The following YIPF6 variants were observed in gnomAD, a reference collection of about 807,000 sequenced individuals.
YIPF6 encodes protein YIPF6.
In YIPF6, 3 loss-of-function variants were observed where a neutral mutation model predicts 16.8. The observed-to-expected ratio is 0.18, with a 90% CI of 0.08 to 0.46. YIPF6 has a LOEUF of 0.46. Ranked by LOEUF, YIPF6 falls within the 20% of genes least tolerant of loss-of-function variation. The pLI is 0.98. For synonymous variants in YIPF6, 67 were observed against 61.9 expected, an observed-to-expected ratio of 1.08 and a Z score of -0.38; for missense variants, 145 against 184.9, an observed-to-expected ratio of 0.78 and a Z score of 1.25.
chrX:68,518,939 T>C (rs757136631), intron 4 of YIPF6, 127 bp downstream of exon 4: 8 of 625,682 alleles, frequency 1.3e-5, no homozygotes, highest in Non-Finnish European at 1.9e-5. Context: ...GTACATGTTA[T>C]ACTCCTTAGG....
At chrX:68,513,459 C>T (rs1228844847) in intron 3 of YIPF6, 54 bp downstream of exon 3, 11 of 854,260 alleles carry the variant, frequency 1.3e-5, no homozygotes, top group Admixed American at 7.4e-5. Context: ...TGTACCTTAT[C>T]GTAAGTACTT....
intron 1 of YIPF6, among the ~76,000 whole-genome samples, chrX:68,507,124 G>A (rs2079062917): frequency 8.9e-6 from 1 of 112,009 alleles, no homozygotes; most frequent in Non-Finnish European, 1.9e-5. Flanking sequence ...ATCTTTAGCT[G>A]CTTTCATGCT....
intron 6 of YIPF6, among the ~76,000 whole-genome samples, chrX:68,526,231 T>G (rs1183768858): frequency 9.0e-6 from 1 of 111,540 alleles, no homozygotes; most frequent in Non-Finnish European, 1.9e-5. Flanking sequence ...CTAGGTATTT[T>G]ATTCTCTTTG....
At chrX:68,528,221 C>T in intron 6 of YIPF6, among the ~76,000 whole-genome samples, 1 of 111,801 alleles carries the variant, frequency 8.9e-6, no homozygotes, top group Middle Eastern at 4.6e-3. Flanking sequence ...GCATTGATCC[C>T]TTTACCATTA....
chrX:68,529,055 A>G (rs2147827334), intron 6 of YIPF6, among the ~76,000 whole-genome samples: 1 of 111,173 alleles, frequency 9.0e-6, no homozygotes, highest in Admixed American at 9.6e-5. Context: ...TCTCTTGGAT[A>G]ATATCCTGAA....
chrX:68,505,896 C>G (rs2147818020), intron 1 of YIPF6, among the ~76,000 whole-genome samples: 1 of 111,552 alleles, frequency 9.0e-6, no homozygotes, highest in South Asian at 3.7e-4. Context: ...TGATAAGAAC[C>G]AAGAAATTAA....
At chrX:68,521,301 A>G (rs1367684333) in intron 4 of YIPF6, 71 bp from the exon 5 acceptor site, 3 of 1,139,679 alleles carry the variant, frequency 2.6e-6, no homozygotes, top group Non-Finnish European at 2.4e-6. Flanking sequence ...TCAAAGTTTG[A>G]GAACCCATGC....
At chrX:68,503,939 G>A (rs964531861) in intron 1 of YIPF6, among the ~76,000 whole-genome samples, 1 of 111,871 alleles carries the variant, frequency 8.9e-6, no homozygotes, top group Non-Finnish European at 1.9e-5. Context: ...GGCTGGTCTC[G>A]AACTCCTGAC....
At chrX:68,528,637 G>T (rs1379505777) in intron 6 of YIPF6, among the ~76,000 whole-genome samples, 1 of 111,779 alleles carries the variant, frequency 8.9e-6, no homozygotes, top group Non-Finnish European at 1.9e-5. Context: ...TCCTTTCCAT[G>T]TTTAGTGCTT....
At chrX:68,528,462 G>A (rs1245031173) in intron 6 of YIPF6, among the ~76,000 whole-genome samples, 2 of 111,471 alleles carry the variant, frequency 1.8e-5, no homozygotes, top group Non-Finnish European at 3.8e-5. Context: ...CTTTTAATTG[G>A]GGCATTTAGC....
intron 3 of YIPF6, among the ~76,000 whole-genome samples, chrX:68,517,688 C>T (rs986923213): frequency 2.7e-5 from 3 of 111,803 alleles, no homozygotes; most frequent in African/African-American, 9.7e-5. Context: ...AAAGACCAGG[C>T]TGGGTGTGGT....
chrX:68,518,997 A>G (rs920699888), intron 4 of YIPF6, among the ~76,000 whole-genome samples, 185 bp downstream of exon 4: 2 of 111,673 alleles, frequency 1.8e-5, no homozygotes, highest in Non-Finnish European at 1.9e-5. Context: ...AATATGATGA[A>G]ATTAGGCTCA....
intron 1 of YIPF6, among the ~76,000 whole-genome samples, chrX:68,507,066 T>G (rs1041867111): frequency 8.9e-6 from 1 of 112,697 alleles, no homozygotes; most frequent in African/African-American, 3.2e-5. Flanking sequence ...CCTGTTTTTC[T>G]AAGTATAGTT....
chrX:68,517,132 G>A (rs763295174), intron 3 of YIPF6, among the ~76,000 whole-genome samples: 1 of 108,642 alleles, frequency 9.2e-6, no homozygotes, highest in Admixed American at 9.9e-5. Context: ...AAATCACTCA[G>A]CAGCTGTTTT....
intron 4 of YIPF6, among the ~76,000 whole-genome samples, 183 bp downstream of exon 4, chrX:68,518,995 G>T (rs973433183): frequency 1.8e-5 from 2 of 111,490 alleles, no homozygotes; most frequent in African/African-American, 6.5e-5. Context: ...AAAATATGAT[G>T]AAATTAGGCT....
At chrX:68,529,379 C>A (rs1184036518) in intron 6 of YIPF6, among the ~76,000 whole-genome samples, 1 of 110,373 alleles carries the variant, frequency 9.1e-6, no homozygotes, top group Non-Finnish European at 1.9e-5. Context: ...ATTTCTCTAA[C>A]CTTTCTTCAA....
chrX:68,523,598 T>C (rs970433951), intron 6 of YIPF6, among the ~76,000 whole-genome samples: 1 of 112,508 alleles, frequency 8.9e-6, no homozygotes, highest in African/African-American at 3.2e-5. Context: ...GCAATGATAA[T>C]GAATGCTATG....
Position 68,511,759 on chromosome X carries a change from C to T in YIPF6, c.58-90C>T, listed in dbSNP as rs145416216. ...TTCCTATGTAAAACCCTACAAAATA[C>T]ATGGTCCCAACTCTCTAGGAAATGA... On this transcript the variant is annotated intron_variant, in intron 1 of 6. Coordinates refer to ENST00000462683, the MANE Select transcript of YIPF6 (RefSeq NM_173834.4). 6.2e-5 allele frequency: 65 copies of T among 1,042,330 alleles called. No homozygotes were observed. In the Middle Eastern group the frequency reaches 8.0e-4, roughly 13 times the overall value. 85.9% of individuals were successfully genotyped at this position (1,042,330 alleles called of 1,213,427 possible).
At chrX:68,519,589 A>C (rs1191826369) in intron 4 of YIPF6, among the ~76,000 whole-genome samples, 1 of 109,832 alleles carries the variant, frequency 9.1e-6, no homozygotes. Context: ...CTGAGATTCA[A>C]CCTCAGGTTT....
Sources: allele counts gnomAD v4.1 joint callset (sites outside exome capture counted in the v4.1 genomes callset), GRCh38; gene constraint gnomAD v4.1.1; transcripts MANE v1.5; gene names NCBI Gene and HGNC (gene_info 2026-07-23, HGNC 2026-07-21).